The following LARGE1 variants were observed in gnomAD, a reference collection of about 807,000 sequenced individuals.
LARGE1 encodes LARGE xylosyl- and glucuronyltransferase 1.
Under a neutral mutation model 87.6 loss-of-function variants are expected in LARGE1, and 43 were observed. The ratio of observed to expected loss-of-function variants is 0.49; its 90% confidence interval spans 0.38 to 0.63. The LOEUF (loss-of-function observed/expected upper bound fraction) is 0.63. Ranked by LOEUF, LARGE1 falls within the 30% of genes least tolerant of loss-of-function variation. LARGE1 has a pLI of 0.00. For missense variants in LARGE1, 802 were observed against 1,000.2 expected, an observed-to-expected ratio of 0.80 and a Z score of 2.67; for synonymous variants, 434 against 394.6, an observed-to-expected ratio of 1.10 and a Z score of -1.18.
the LARGE1 span, among the ~76,000 whole-genome samples, chr22:33,079,959 A>T: frequency 2.6e-5 from 4 of 152,130 alleles, no homozygotes; most frequent in Admixed American, 2.0e-4. Flanking sequence ...GTCCTCTTGC[A>T]TGTGCTCAGG....
intron 1 of LARGE1, among the ~76,000 whole-genome samples, chr22:33,852,559 G>A (rs1042076370): frequency 6.6e-5 from 10 of 151,924 alleles, no homozygotes; most frequent in Admixed American, 4.6e-4. Context: ...TGCTAAGTAC[G>A]ATAAAGGCTG....
the LARGE1 span, among the ~76,000 whole-genome samples, chr22:33,089,371 CCTTCTTCTTCTTCTT>C: frequency 1.3e-5 from 1 of 76,048 alleles, no homozygotes; most frequent in Non-Finnish European, 2.6e-5. Flanking sequence ...TTCTTCTTCT[CCTTCTTCTTCTTCTT>C]CCTCTTCTTC....
intron 6 of LARGE1, among the ~76,000 whole-genome samples, chr22:33,519,235 C>CGCGCGCGCGT (rs112192440): frequency 2.0e-5 from 3 of 149,544 alleles, no homozygotes; most frequent in African/African-American, 7.4e-5. Flanking sequence ...CGTGCGCGCG[C>CGCGCGCGCGT]GTGTGTGTGT....
chr22:33,540,950 G>A (rs924153717), intron 6 of LARGE1, among the ~76,000 whole-genome samples: 11 of 150,912 alleles, frequency 7.3e-5, no homozygotes, highest in Non-Finnish European at 1.5e-4. Context: ...CTTGGGCAAC[G>A]TGGCAAAACC....
chr22:33,715,846 C>A (rs2082892483), intron 2 of LARGE1, among the ~76,000 whole-genome samples: 1 of 152,190 alleles, frequency 6.6e-6, no homozygotes, highest in South Asian at 2.1e-4. Context: ...CAAAGGGCCT[C>A]CATGGAAACG....
chr22:33,163,821 T>C (rs1016415296), exon 12 of LARGE1: 1 of 152,174 alleles, frequency 6.6e-6, no homozygotes, highest in African/African-American at 2.4e-5. Flanking sequence ...ATTTAGCAAG[T>C]GGTGAATAGT....
At chr22:33,567,782 A>G (rs1207213278) in intron 5 of LARGE1, among the ~76,000 whole-genome samples, 1 of 151,768 alleles carries the variant, frequency 6.6e-6, no homozygotes, top group African/African-American at 2.4e-5. Flanking sequence ...TCTTTTGGAG[A>G]CCCCAGTGTC....
At chr22:33,840,437 A>G (rs1467554970) in intron 1 of LARGE1, among the ~76,000 whole-genome samples, 3 of 152,206 alleles carry the variant, frequency 2.0e-5, no homozygotes, top group African/African-American at 7.2e-5. Flanking sequence ...AAATACTGAG[A>G]GTAATATAGT....
chr22:33,184,328 T>C (rs1923360209), intron 11 of LARGE1, among the ~76,000 whole-genome samples: 1 of 151,060 alleles, frequency 6.6e-6, no homozygotes, highest in Non-Finnish European at 1.5e-5. Context: ...AGCTAAATAC[T>C]ACACTTCCAA....
intron 10 of LARGE1, among the ~76,000 whole-genome samples, chr22:33,322,989 G>A (rs1333913325): frequency 6.6e-6 from 1 of 152,104 alleles, no homozygotes; most frequent in East Asian, 1.9e-4. Context: ...GGGTGCAGTG[G>A]CGTGCGCCTC....
chr22:33,799,962 C>A (rs549729333), intron 1 of LARGE1, among the ~76,000 whole-genome samples: 1 of 152,214 alleles, frequency 6.6e-6, no homozygotes, highest in South Asian at 2.1e-4. Flanking sequence ...CTCTATTTAG[C>A]CAGGAAATAG....
Position 33,260,802 on chromosome 22 carries a change from T to G in LARGE1, c.1730+43427A>C, listed in dbSNP as rs548011136. ...CCTCCATCCAACCAGAGCGTTTTAT[T>G]TTCCCCTTCATAAGCCCCTTGCAGG... On this transcript the variant is annotated intron_variant, in intron 11 of 11. Coordinates refer to the LARGE1 transcript ENST00000608642. Among the ~76,000 whole-genome samples the G allele has an allele frequency of 2.6e-5, 4 of 152,292 alleles. No individual in the cohort carries two copies. The East Asian group carries it at 7.7e-4, about 29-fold the overall frequency.
chr22:33,619,642 G>A (rs934259500), intron 4 of LARGE1, among the ~76,000 whole-genome samples: 1 of 151,910 alleles, frequency 6.6e-6, no homozygotes, highest in African/African-American at 2.4e-5. Flanking sequence ...AGATTCTGAA[G>A]CTAGATTGCC....
rs3072359 is a variant in LARGE1, at chr22:33,865,832, C to CT, written c.-83+54162dup. ...TAAGCATTCAATGTTAGCTGTTATTCTTTTTTTTTTTTTTTTTTTTTTTTT... is the reference window on the plus strand; with the variant it reads ...TAAGCATTCAATGTTAGCTGTTATTCTTTTTTTTTTTTTTTTTTTTTTTTTT... On this transcript the variant is annotated intron_variant, in intron 1 of 14. Transcript: ENST00000397394. 5.8e-3 allele frequency among the ~76,000 whole-genome samples: 164 copies of CT among 28,386 alleles called. 56 individuals are homozygous for CT. The highest frequency in any genetic ancestry group is 6.4e-3 in the Non-Finnish European group (92 of 14,470). 18.6% of individuals were successfully genotyped at this position (28,386 alleles called of 152,430 possible). A position where few individuals can be genotyped will look rare whatever the true frequency, so the allele number is the denominator to read the frequency against.
At chr22:33,181,534 CTTT>C (rs137369) in intron 11 of LARGE1, among the ~76,000 whole-genome samples, 1 of 145,996 alleles carries the variant, frequency 6.8e-6, no homozygotes. Context: ...CTACATTACT[CTTT>C]TTTTTTTTTT....
At position 33,456,675 on chromosome 22, in the gene LARGE1, T is replaced by C. The variant is rs545006108; in HGVS notation, c.788-24410A>G. Among the ~76,000 whole-genome samples the C allele has an allele frequency of 2.6e-5, 4 of 152,340 alleles. No individual in the cohort carries two copies. The South Asian group carries it at 6.2e-4, about 24-fold the overall frequency. ...AGAGATTCTAATTCCATTCCACTTATGCAATTTTTCAGTGACAGTGACCCA... is the reference window on the plus strand; with the variant it reads ...AGAGATTCTAATTCCATTCCACTTACGCAATTTTTCAGTGACAGTGACCCA... On this transcript the variant is annotated intron_variant, in intron 6 of 14. Coordinates refer to ENST00000397394, the MANE Select transcript of LARGE1 (RefSeq NM_133642.5).
rs1312374772 is a variant in LARGE1, at chr22:33,387,207, C to T, written c.893-2903G>A. 6.8e-5 allele frequency among the ~76,000 whole-genome samples: 10 copies of T among 148,036 alleles called. 1 individual carries two copies. Among genetic ancestry groups the T allele is most frequent in the Non-Finnish European group, 1.5e-4 (10 of 66,236 alleles). On this transcript the variant is annotated intron_variant, in intron 7 of 14. Coordinates refer to ENST00000397394, the MANE Select transcript of LARGE1 (RefSeq NM_133642.5). ...TGGGAGGCCAAGGTGCACAGATCAT[C>T]TGAAGTCAGGAGTCCAAGACCAGCC...
chr22:33,443,024 C>G (rs543604849), intron 6 of LARGE1, among the ~76,000 whole-genome samples: 125 of 152,214 alleles, frequency 8.2e-4, no homozygotes, highest in Non-Finnish European at 1.3e-3. Context: ...GATCTCTTGA[C>G]CTCATGATCC....
intron 1 of LARGE1, among the ~76,000 whole-genome samples, chr22:33,872,929 G>A (rs929608456): frequency 6.6e-6 from 1 of 152,168 alleles, no homozygotes; most frequent in African/African-American, 2.4e-5. Flanking sequence ...GAACCCATGA[G>A]GTGGAGGTTA....
Sources: gnomAD v4.1 joint callset for allele counts (sites outside exome capture counted in the v4.1 genomes callset) on GRCh38, gnomAD v4.1.1 for gene constraint, MANE v1.5 for transcripts, NCBI Gene and HGNC (gene_info 2026-07-23, HGNC 2026-07-21) for gene names.